The following MAOB variants were observed in gnomAD, a reference collection of about 807,000 sequenced individuals.
MAOB encodes monoamine oxidase B.
In MAOB, 15 loss-of-function variants were observed where a neutral mutation model predicts 41.9. The observed-to-expected ratio is 0.36, with a 90% CI of 0.24 to 0.55. MAOB has a LOEUF of 0.55. MAOB is among the 20% of genes least tolerant of loss of function. The pLI, the probability that MAOB is intolerant of heterozygous loss-of-function variation, is 0.86. For missense variants in MAOB, 345 were observed against 398.7 expected (o/e 0.87, Z 1.15); for synonymous variants, 167 against 144.2 (o/e 1.16, Z -1.13).
intron 1 of MAOB, among the ~76,000 whole-genome samples, chrX:43,852,152 T>C (rs1051226392): frequency 1.8e-5 from 2 of 111,591 alleles, no homozygotes; most frequent in Non-Finnish European, 3.8e-5. Context: ...GTGATTAAAT[T>C]AGGCCCCTTT....
chrX:43,850,283 A>G, intron 1 of MAOB: 1 of 683,062 alleles, frequency 1.5e-6, no homozygotes, highest in East Asian at 1.6e-4. Flanking sequence ...TTTTAAAATC[A>G]GAATTTTTAA....
chrX:43,808,982 G>A (rs185252757), intron 3 of MAOB, among the ~76,000 whole-genome samples: 19 of 110,877 alleles, frequency 1.7e-4, no homozygotes, highest in Non-Finnish European at 2.8e-4. Flanking sequence ...GTGAGTCACC[G>A]CACCCAGCCA....
chrX:43,808,956 T>C (rs1319027117), intron 3 of MAOB, among the ~76,000 whole-genome samples: 1 of 111,113 alleles, frequency 9.0e-6, no homozygotes, highest in Non-Finnish European at 1.9e-5. Flanking sequence ...CCTCCCAAAG[T>C]GCTGGAATTA....
intron 3 of MAOB, among the ~76,000 whole-genome samples, chrX:43,829,110 A>C (rs2034986989): frequency 8.9e-6 from 1 of 111,782 alleles, no homozygotes; most frequent in Non-Finnish European, 1.9e-5. Context: ...TGCCCTTAAC[A>C]TTTGCCAACT....
At chrX:43,854,016 T>A (rs1298800108) in intron 1 of MAOB, among the ~76,000 whole-genome samples, 1 of 112,543 alleles carries the variant, frequency 8.9e-6, no homozygotes, top group African/African-American at 3.2e-5. Flanking sequence ...TTAAACTTAT[T>A]TGGGCTTATT....
intron 1 of MAOB, among the ~76,000 whole-genome samples, chrX:43,856,909 C>CT (rs2035292646): frequency 9.5e-6 from 1 of 105,030 alleles, no homozygotes; most frequent in Non-Finnish European, 1.9e-5. Context: ...CAAGGGTCAA[C>CT]TGTACTTTCA....
chrX:43,857,750 C>T (rs978094447), intron 1 of MAOB, among the ~76,000 whole-genome samples: 2 of 111,704 alleles, frequency 1.8e-5, no homozygotes, highest in Non-Finnish European at 3.8e-5. Context: ...TATTGAGGTT[C>T]TGGCAAGATT....
At chrX:43,816,724 G>C (rs764759378) in intron 3 of MAOB, among the ~76,000 whole-genome samples, 2 of 112,018 alleles carry the variant, frequency 1.8e-5, no homozygotes, top group East Asian at 5.6e-4. Context: ...CATACTTGCT[G>C]TAGTGACTGA....
intron 3 of MAOB, among the ~76,000 whole-genome samples, chrX:43,829,789 C>T (rs185767373): frequency 8.9e-6 from 1 of 111,855 alleles, no homozygotes; most frequent in Non-Finnish European, 1.9e-5. Context: ...ATGTTTTGTA[C>T]GGGTTTTATT....
At chrX:43,802,441 A>G (rs893867039) in intron 4 of MAOB, among the ~76,000 whole-genome samples, 178 bp from the exon 5 acceptor site, 1 of 112,279 alleles carries the variant, frequency 8.9e-6, no homozygotes, top group Non-Finnish European at 1.9e-5. Context: ...TGCATAATCA[A>G]TGCTGTCTAT....
chrX:43,772,822 T>TA (rs746669251), intron 12 of MAOB, among the ~76,000 whole-genome samples: 8 of 110,810 alleles, frequency 7.2e-5, no homozygotes, highest in Non-Finnish European at 1.5e-4. Context: ...CTGGTCACGT[T>TA]AAGAGTGTAT....
chrX:43,791,515 T>C (rs1178309105), intron 8 of MAOB, among the ~76,000 whole-genome samples: 1 of 112,016 alleles, frequency 8.9e-6, no homozygotes, highest in African/African-American at 3.2e-5. Context: ...CCCAGCACTT[T>C]GGGAGGCCGA....
intron 1 of MAOB, among the ~76,000 whole-genome samples, chrX:43,859,833 T>C (rs1330534110): frequency 1.8e-5 from 2 of 112,173 alleles, no homozygotes; most frequent in African/African-American, 6.5e-5. Flanking sequence ...CCTTTCCCTT[T>C]GAATCCCTTC....
chrX:43,835,392 G>A (rs1402357470), intron 3 of MAOB, among the ~76,000 whole-genome samples: 1 of 112,046 alleles, frequency 8.9e-6, no homozygotes, highest in Non-Finnish European at 1.9e-5. Context: ...AGTACTAACA[G>A]CTGCATCACT....
chrX:43,824,137 G>A (rs894112357), intron 3 of MAOB, among the ~76,000 whole-genome samples: 1 of 112,149 alleles, frequency 8.9e-6, no homozygotes, highest in African/African-American at 3.2e-5. Flanking sequence ...TGAATAGGAT[G>A]CTGTGAGTTT....
chrX:43,852,206 T>C (rs1216021694), intron 1 of MAOB, among the ~76,000 whole-genome samples: 3 of 112,069 alleles, frequency 2.7e-5, no homozygotes, highest in African/African-American at 9.7e-5. Flanking sequence ...CAATGTCACA[T>C]AAACTGAGAT....
At chrX:43,863,521 G>C (rs946208001) in intron 1 of MAOB, among the ~76,000 whole-genome samples, 1 of 111,604 alleles carries the variant, frequency 9.0e-6, no homozygotes, top group East Asian at 2.8e-4. Context: ...AAAGTTAAGA[G>C]TGGTTGTCTT....
chrX:43,767,380 T>C lies in MAOB; in HGVS notation c.*86A>G. On this transcript the variant is annotated 3_prime_UTR_variant, in exon 15 of 15. Transcript: ENST00000378069. ...CCCGCCTCACTCCACACTATTTGTCTTCATGGAACTTTACTGCAACTCTTT... is the reference window on the plus strand; with the variant it reads ...CCCGCCTCACTCCACACTATTTGTCCTCATGGAACTTTACTGCAACTCTTT... The C allele has an allele frequency of 1.0e-6, 1 of 970,428 alleles. No homozygotes were observed. Among genetic ancestry groups the C allele is most frequent in the Admixed American group, 2.8e-5 (1 of 35,715 alleles). 80.0% of individuals were successfully genotyped at this position (970,428 alleles called of 1,213,427 possible).
At chrX:43,844,620 A>T (rs767790330) in intron 1 of MAOB, 30 of 112,441 alleles carry the variant, frequency 2.7e-4, no homozygotes, top group Non-Finnish European at 5.6e-4. Context: ...TGTAGTGGGC[A>T]CCATCCAATC....
Sources: allele counts gnomAD v4.1 joint callset (sites outside exome capture counted in the v4.1 genomes callset), GRCh38; gene constraint gnomAD v4.1.1; transcripts MANE v1.5; gene names NCBI Gene and HGNC (gene_info 2026-07-23, HGNC 2026-07-21).